The following ANKFN1 variants were observed in gnomAD, a reference collection of about 807,000 sequenced individuals.
ANKFN1 encodes ankyrin repeat and fibronectin type III domain containing 1.
Under a neutral mutation model 108.7 loss-of-function variants are expected in ANKFN1, and 74 were observed. The observed-to-expected ratio is 0.68, with a 90% CI of 0.56 to 0.83. The LOEUF (loss-of-function observed/expected upper bound fraction) is 0.83, where lower values mean the gene tolerates loss of function less well. Ranked by LOEUF, ANKFN1 falls within the 40% of genes least tolerant of loss-of-function variation. The pLI is 0.00. For missense variants in ANKFN1, 1,505 were observed against 1,382.3 expected, an observed-to-expected ratio of 1.09 and a Z score of -1.41; for synonymous variants, 547 against 516.2, an observed-to-expected ratio of 1.06 and a Z score of -0.81.
At position 56,223,592 on chromosome 17, in the gene ANKFN1, C is replaced by T. The variant is rs117375998; in HGVS notation, c.13-4325C>T. Reference sequence around the variant, plus strand: ...CAGTGTTTATAAAATCAGTAAAATACGAGTGAGGCCAAGGGATTAAAAAGC... The same window carrying T: ...CAGTGTTTATAAAATCAGTAAAATATGAGTGAGGCCAAGGGATTAAAAAGC... On this transcript the variant is annotated intron_variant, in intron 2 of 20. Transcript: ENST00000682825. Among the ~76,000 whole-genome samples, 229 of 152,104 alleles carry T rather than the reference C, an allele frequency of 1.5e-3. 3 individuals are homozygous for T. The East Asian group carries it at 0.025, about 17-fold the overall frequency.
At chr17:56,246,318 C>T (rs1180330244) in intron 3 of ANKFN1, among the ~76,000 whole-genome samples, 1 of 152,096 alleles carries the variant, frequency 6.6e-6, no homozygotes. Flanking sequence ...GAACTTTTAT[C>T]TGTTCATCTC....
intron 17 of ANKFN1, among the ~76,000 whole-genome samples, chr17:56,481,573 G>A (rs927543895): frequency 2.0e-5 from 3 of 151,986 alleles, no homozygotes; most frequent in Non-Finnish European, 2.9e-5. Context: ...TTAGAGGAGC[G>A]ACTGGCTCTC....
rs570090797 is a variant in ANKFN1 at position 56,130,367 on chromosome 17, C to T, written c.288+84042C>T. On this transcript the variant is annotated intron_variant, in intron 4 of 12. Coordinates refer to the ANKFN1 transcript ENST00000635860. ...GTGTCTAGATGACAACAAGTTTACA[C>T]GGTTCTTTTATAGTTACAGCAAATA... Among the ~76,000 whole-genome samples the T allele has an allele frequency of 7.9e-5, 12 of 152,096 alleles. No individual in the cohort carries two copies. In the South Asian group the frequency reaches 1.9e-3, roughly 24 times the overall value.
chr17:56,365,060 A>G (rs116585736), intron 6 of ANKFN1, among the ~76,000 whole-genome samples: 3 of 152,330 alleles, frequency 2.0e-5, no homozygotes, highest in African/African-American at 7.2e-5. Flanking sequence ...ATTCCCCTAC[A>G]TTACTTTGCC....
At chr17:56,317,986 T>C (rs1437186779) in intron 3 of ANKFN1, among the ~76,000 whole-genome samples, 1 of 152,190 alleles carries the variant, frequency 6.6e-6, no homozygotes, top group Non-Finnish European at 1.5e-5. Flanking sequence ...GAAACAATGA[T>C]AACCACCACC....
chr17:56,169,672 G>A (rs527382790), intron 1 of ANKFN1, among the ~76,000 whole-genome samples: 1 of 152,308 alleles, frequency 6.6e-6, no homozygotes, highest in Non-Finnish European at 1.5e-5. Context: ...AGTAAGATGG[G>A]CATTGATCAG....
chr17:56,232,132 ACT>A (rs1211029399), intron 3 of ANKFN1, among the ~76,000 whole-genome samples: 3 of 151,974 alleles, frequency 2.0e-5, no homozygotes, highest in African/African-American at 4.8e-5. Context: ...GATCCCGTAT[ACT>A]CTCTGAGTCT....
At chr17:56,100,378 A>G (rs1905621232) in intron 4 of ANKFN1, among the ~76,000 whole-genome samples, 1 of 152,330 alleles carries the variant, frequency 6.6e-6, no homozygotes, top group South Asian at 2.1e-4. Flanking sequence ...GCCAGTGAGC[A>G]TAACCTATGG....
intron 4 of ANKFN1, among the ~76,000 whole-genome samples, chr17:56,329,003 T>C (rs2144552953): frequency 6.6e-6 from 1 of 152,262 alleles, no homozygotes; most frequent in East Asian, 1.9e-4. Flanking sequence ...TTTTAAGAGC[T>C]CCATACTTGG....
chr17:56,481,185 G>A (rs1295673596), intron 17 of ANKFN1, among the ~76,000 whole-genome samples: 1 of 151,758 alleles, frequency 6.6e-6, no homozygotes, highest in African/African-American at 2.4e-5. Flanking sequence ...AAATAAAGGT[G>A]TACTCACATG....
chr17:56,128,247 T>TC (rs1907055742), intron 4 of ANKFN1, among the ~76,000 whole-genome samples: 1 of 147,406 alleles, frequency 6.8e-6, no homozygotes, highest in African/African-American at 2.5e-5. Flanking sequence ...TTTTTTTTTT[T>TC]CCTGGGAGGT....
chr17:56,168,341 A>G (rs1249960900), intron 1 of ANKFN1, among the ~76,000 whole-genome samples: 1 of 151,924 alleles, frequency 6.6e-6, no homozygotes, highest in Non-Finnish European at 1.5e-5. Flanking sequence ...AAATGTAATA[A>G]CCTCATCAGG....
At chr17:56,061,589 A>G (rs539251754) in intron 4 of ANKFN1, among the ~76,000 whole-genome samples, 6 of 152,022 alleles carry the variant, frequency 3.9e-5, no homozygotes, top group Admixed American at 1.3e-4. Context: ...TTGTATTTCT[A>G]TGGGGTCAGT....
At chr17:56,069,975 T>C (rs1905100768) in intron 4 of ANKFN1, among the ~76,000 whole-genome samples, 1 of 152,176 alleles carries the variant, frequency 6.6e-6, no homozygotes, top group African/African-American at 2.4e-5. Flanking sequence ...TAAACTGTCA[T>C]GGTGCTGATG....
chr17:56,203,738 G>A (rs1411586663), intron 1 of ANKFN1, among the ~76,000 whole-genome samples: 5 of 152,190 alleles, frequency 3.3e-5, no homozygotes, highest in Non-Finnish European at 7.3e-5. Flanking sequence ...TCAGCTCTCC[G>A]TGTACCTAGA....
intron 6 of ANKFN1, among the ~76,000 whole-genome samples, chr17:56,367,590 C>T (rs2046695270): frequency 6.6e-6 from 1 of 152,072 alleles, no homozygotes; most frequent in Non-Finnish European, 1.5e-5. Flanking sequence ...GTGGTCTTGC[C>T]CCTGCTGGAC....
In ANKFN1 at chr17:56,372,644, A is replaced by G; in HGVS notation, c.602-2A>G. The G allele has an allele frequency of 6.2e-7, 1 of 1,609,388 alleles. No homozygotes were observed. The highest frequency in any genetic ancestry group is 1.1e-5 in the South Asian group (1 of 90,464). On this transcript the variant is annotated splice_acceptor_variant, in intron 6 of 20. Coordinates refer to ENST00000682825, the MANE Select transcript of ANKFN1 (RefSeq NM_001370326.1). LOFTEE classifies it high-confidence loss of function. ...GAAGTAATCCCATTTCTTTCCCTTT[A>G]GTTGTCAGCCTGGAAAGCCGAGCAA...
chr17:56,414,800 C>G (rs1246030072), intron 8 of ANKFN1, among the ~76,000 whole-genome samples: 1 of 152,092 alleles, frequency 6.6e-6, no homozygotes, highest in African/African-American at 2.4e-5. Flanking sequence ...GGGCAGATTG[C>G]TTAAGTCCAG....
chr17:56,213,570 A>G lies in ANKFN1; in HGVS notation c.12+891A>G, dbSNP rs563918314. Among the ~76,000 whole-genome samples the G allele has an allele frequency of 1.7e-3, 260 of 152,134 alleles. 2 individuals are homozygous for G. The highest frequency in any genetic ancestry group is 6.0e-3 in the African/African-American group (247 of 41,492). ...GGAAGGAGAAACATTTCTCCCTCTT[A>G]TCTATTTAAGCTATCTACACCTTTC... On this transcript the variant is annotated intron_variant, in intron 2 of 20. Transcript: ENST00000682825.
Sources: allele counts gnomAD v4.1 joint callset (sites outside exome capture counted in the v4.1 genomes callset), GRCh38; gene constraint gnomAD v4.1.1; transcripts MANE v1.5; gene names NCBI Gene and HGNC (gene_info 2026-07-23, HGNC 2026-07-21).